ADK: variants seen among roughly 807,000 people sequenced by gnomAD.
The protein encoded by ADK is N6,N6-dimethyladenosine kinase.
A neutral mutation model predicts 44.7 loss-of-function variants in ADK; 24 were observed. The observed-to-expected ratio is 0.54, with a 90% CI of 0.39 to 0.76. The LOEUF (loss-of-function observed/expected upper bound fraction) is 0.76, where lower values mean the gene tolerates loss of function less well. Ranked by LOEUF, ADK falls within the 30% of genes least tolerant of loss-of-function variation. The probability of loss-of-function intolerance (pLI) is 0.00; values close to 1 mark genes in which losing one functional copy is unlikely to be tolerated. For missense variants in ADK, 321 were observed against 425.1 expected (o/e 0.76, Z 2.15); for synonymous variants, 128 against 142.6 (o/e 0.90, Z 0.73).
intron 6 of ADK, among the ~76,000 whole-genome samples, chr10:74,460,957 G>A (rs547428159): frequency 1.6e-4 from 24 of 152,202 alleles, no homozygotes; most frequent in African/African-American, 5.8e-4. Flanking sequence ...GTTCTGTCTA[G>A]CAGATGAATG....
In ADK at chr10:74,177,945, A is replaced by ATATT. The variant is rs10693309; in HGVS notation, c.66-22818_66-22817insATTT. ...TAATTATATATATATATATATATATATTTTTTTTTTTTTGAGACAGAGTTT... is the reference window on the plus strand; with the variant it reads ...TAATTATATATATATATATATATATATATTTTTTTTTTTTTTTGAGACAGAGTTT... On this transcript the variant is annotated intron_variant, in intron 1 of 10. Coordinates refer to ENST00000539909, the MANE Select transcript of ADK (RefSeq NM_006721.4). Among the ~76,000 whole-genome samples the ATATT allele has an allele frequency of 9.6e-3, 1,041 of 108,912 alleles. 18 individuals are homozygous for ATATT. Among genetic ancestry groups the ATATT allele is most frequent in the African/African-American group, 0.032 (908 of 28,470 alleles). 71.5% of individuals were successfully genotyped at this position (108,912 alleles called of 152,430 possible). A position where few individuals can be genotyped will look rare whatever the true frequency, so the allele number is the denominator to read the frequency against.
rs973697198 is a variant in ADK, at chr10:74,394,051, A to G, written c.274-90A>G. ...TAACAGCTACAGTTTCTCACAAAGCATTCTTGTCACATCACTATCTGTGGC... is the reference window on the plus strand; with the variant it reads ...TAACAGCTACAGTTTCTCACAAAGCGTTCTTGTCACATCACTATCTGTGGC... On this transcript the variant is annotated intron_variant, in intron 4 of 10. Transcript: ENST00000539909. 5.4e-6 allele frequency: 7 copies of G among 1,302,696 alleles called. No homozygotes were observed. In the East Asian group the frequency reaches 1.2e-4, roughly 21 times the overall value. The allele number at this position is 1,302,696 out of a possible 1,614,324, so 80.7% of individuals were successfully genotyped here.
chr10:74,216,138 A>G (rs1844007844), intron 2 of ADK, among the ~76,000 whole-genome samples: 1 of 152,080 alleles, frequency 6.6e-6, no homozygotes, highest in South Asian at 2.1e-4. Context: ...GATGTATTTT[A>G]TGCATAAGTT....
intron 3 of ADK, among the ~76,000 whole-genome samples, chr10:74,255,954 A>G (rs1369037552): frequency 6.6e-6 from 1 of 152,200 alleles, no homozygotes; most frequent in Non-Finnish European, 1.5e-5. Context: ...GAAGCTCATA[A>G]CTGGGTAGTC....
chr10:74,632,584 C>A lies in ADK; in HGVS notation c.877+32091C>A, dbSNP rs145017054. On this transcript the variant is annotated intron_variant, in intron 9 of 10. Transcript: ENST00000539909. ...TTTGCCTCTGTCTTCGCATGGCCTT[C>A]TTCCCTGTGTATATCTTTCTGTGCC... 4.4e-3 allele frequency among the ~76,000 whole-genome samples: 668 copies of A among 152,188 alleles called. 9 individuals carry two copies. The highest frequency in any genetic ancestry group is 0.015 in the African/African-American group (617 of 41,514).
At chr10:74,174,126 A>C (rs968723823) in intron 1 of ADK, among the ~76,000 whole-genome samples, 1 of 151,342 alleles carries the variant, frequency 6.6e-6, no homozygotes, top group Admixed American at 6.6e-5. Context: ...AACACGGTGA[A>C]ACCTTGTCTC....
chr10:74,223,952 G>A (rs758994386), intron 2 of ADK, among the ~76,000 whole-genome samples: 9 of 152,122 alleles, frequency 5.9e-5, no homozygotes, highest in Non-Finnish European at 1.0e-4. Flanking sequence ...AGCCAGGCAT[G>A]GTGGTGCGTG....
At chr10:74,415,462 CAG>C (rs1415618789) in intron 6 of ADK, among the ~76,000 whole-genome samples, 1 of 152,142 alleles carries the variant, frequency 6.6e-6, no homozygotes, top group African/African-American at 2.4e-5. Context: ...CAAGTGTCTA[CAG>C]AATGGTATCT....
At chr10:74,167,111 G>T (rs753147590) in intron 1 of ADK, among the ~76,000 whole-genome samples, 25 of 152,132 alleles carry the variant, frequency 1.6e-4, no homozygotes, top group Admixed American at 4.6e-4. Context: ...CATTGTTTCA[G>T]TTATATGTAT....
At chr10:74,334,641 G>A (rs1409459031) in intron 4 of ADK, among the ~76,000 whole-genome samples, 1 of 152,122 alleles carries the variant, frequency 6.6e-6, no homozygotes, top group Non-Finnish European at 1.5e-5. Context: ...ATAATTTTCT[G>A]TTTGTATAGT....
At chr10:74,380,365 T>G (rs962784940) in intron 4 of ADK, among the ~76,000 whole-genome samples, 1 of 152,190 alleles carries the variant, frequency 6.6e-6, no homozygotes, top group Non-Finnish European at 1.5e-5. Flanking sequence ...TGTATCTAAT[T>G]TAGATTTTAA....
chr10:74,155,776 A>C (rs927203177), intron 1 of ADK, among the ~76,000 whole-genome samples: 2 of 151,442 alleles, frequency 1.3e-5, no homozygotes, highest in East Asian at 2.0e-4. Context: ...CTCGTGATCC[A>C]CCCGCCTCAG....
At chr10:74,261,962 A>C (rs1171808837) in intron 3 of ADK, among the ~76,000 whole-genome samples, 1 of 151,622 alleles carries the variant, frequency 6.6e-6, no homozygotes, top group Non-Finnish European at 1.5e-5. Flanking sequence ...TAGAGCTATG[A>C]GTTATTTTTA....
At chr10:74,623,838 G>A (rs1250804593) in intron 9 of ADK, among the ~76,000 whole-genome samples, 1 of 151,770 alleles carries the variant, frequency 6.6e-6, no homozygotes, top group Non-Finnish European at 1.5e-5. Flanking sequence ...AATACAAATA[G>A]ATATTTAATT....
At chr10:74,457,700 A>G (rs1400598242) in intron 6 of ADK, among the ~76,000 whole-genome samples, 4 of 152,240 alleles carry the variant, frequency 2.6e-5, no homozygotes, top group African/African-American at 9.6e-5. Flanking sequence ...AAAAAGGATG[A>G]GTTCATGTCC....
chr10:74,209,494 T>C lies in ADK; in HGVS notation c.140+8656T>C, dbSNP rs191829512. On this transcript the variant is annotated intron_variant, in intron 2 of 10. Coordinates refer to ENST00000539909, the MANE Select transcript of ADK (RefSeq NM_006721.4). ...AGCCTGGTCTGTGGTATTTTTGTTA[T>C]AGCAGCACAAGGGGACCAAGACATA... Among the ~76,000 whole-genome samples the C allele has an allele frequency of 2.2e-3, 332 of 152,352 alleles. 2 individuals carry two copies. Among genetic ancestry groups the C allele is most frequent in the African/African-American group, 7.5e-3 (313 of 41,576 alleles).
intron 3 of ADK, among the ~76,000 whole-genome samples, chr10:74,247,152 C>T (rs1845445490): frequency 6.7e-6 from 1 of 149,732 alleles, no homozygotes; most frequent in Non-Finnish European, 1.5e-5. Flanking sequence ...GTTAAGTACA[C>T]TCATCCAGTT....
intron 7 of ADK, among the ~76,000 whole-genome samples, chr10:74,538,184 G>A (rs576583754): frequency 2.6e-5 from 4 of 152,010 alleles, no homozygotes; most frequent in Admixed American, 6.6e-5. Context: ...GAACCCTGGA[G>A]GCGGAGGTTG....
intron 9 of ADK, among the ~76,000 whole-genome samples, chr10:74,601,365 G>A (rs1188671048): frequency 2.6e-5 from 4 of 152,034 alleles, no homozygotes; most frequent in African/African-American, 9.7e-5. Flanking sequence ...TGAAATTACT[G>A]TCAAGATATT....
Sources: allele counts gnomAD v4.1 joint callset (sites outside exome capture counted in the v4.1 genomes callset), GRCh38; gene constraint gnomAD v4.1.1; transcripts MANE v1.5; gene names NCBI Gene and HGNC (gene_info 2026-07-23, HGNC 2026-07-21).